EFEMP1: variants seen among roughly 807,000 people sequenced by gnomAD.
EFEMP1 encodes the protein EGF-like fibulin extracellular matrix protein 1.
EFEMP1 carries 18 observed loss-of-function variants against 65.7 expected under a neutral mutation model. That is an observed-to-expected ratio of 0.27 (90% CI 0.19 to 0.41). EFEMP1 has a LOEUF of 0.41. Ranked by LOEUF, EFEMP1 falls within the 10% of genes least tolerant of loss-of-function variation. EFEMP1 has a pLI of 1.00. For synonymous variants in EFEMP1, 237 were observed against 219.7 expected, an observed-to-expected ratio of 1.08 and a Z score of -0.70; for missense variants, 469 against 624.8, an observed-to-expected ratio of 0.75 and a Z score of 2.66.
chr2:55,902,978 T>C lies in EFEMP1; in HGVS notation c.517+14687A>G, dbSNP rs189730288. Among the ~76,000 whole-genome samples, 11 of 152,360 alleles carry C rather than the reference T, an allele frequency of 7.2e-5. No individual in the cohort carries two copies. In the East Asian group the frequency reaches 1.7e-3, roughly 24 times the overall value. On this transcript the variant is annotated intron_variant, in intron 5 of 11. Coordinates refer to ENST00000355426, the MANE Select transcript of EFEMP1 (RefSeq NM_001039348.3). ...CTCTGTCTCTTTCTCTTTCCTGTTCTTTGTAAATAATTTCAAGTAAGAGCT... is the reference window on the plus strand; with the variant it reads ...CTCTGTCTCTTTCTCTTTCCTGTTCCTTGTAAATAATTTCAAGTAAGAGCT...
intron 5 of EFEMP1, among the ~76,000 whole-genome samples, chr2:55,889,823 G>GT (rs1406906758): frequency 2.4e-5 from 2 of 82,142 alleles, no homozygotes; most frequent in African/African-American, 1.1e-4. Context: ...TAAAGGAATG[G>GT]TAAAAAAAAA....
chr2:55,896,940 T>A (rs1039700398), intron 5 of EFEMP1, among the ~76,000 whole-genome samples: 9 of 152,224 alleles, frequency 5.9e-5, no homozygotes, highest in African/African-American at 2.2e-4. Flanking sequence ...ACTGAAGTTA[T>A]GCAGAACAAC....
chr2:55,869,508 T>C (rs1034560249), intron 11 of EFEMP1, among the ~76,000 whole-genome samples: 3 of 152,140 alleles, frequency 2.0e-5, no homozygotes, highest in African/African-American at 7.2e-5. Flanking sequence ...TTTTCAGAAG[T>C]TGGTCATGAG....
In EFEMP1 at chr2:55,883,961, C is replaced by G. The variant is rs1055988178; in HGVS notation, c.518-2227G>C. Among the ~76,000 whole-genome samples the G allele has an allele frequency of 6.6e-6, 1 of 152,116 alleles. No individual in the cohort carries two copies. The highest frequency in any genetic ancestry group is 1.5e-5 in the Non-Finnish European group (1 of 68,016). ...CACTACTTTCCTTCCCTTTCTCCAC[C>G]AACACCCAAACAAAGCTGCAACAAG... is the stretch of plus-strand genomic sequence containing the variant. On this transcript the variant is annotated intron_variant, in intron 5 of 11. Transcript: ENST00000355426. This position sits in a 1 kb window ranked among gnomAD's most constrained non-coding sequence, Gnocchi z 4.5.
intron 6 of EFEMP1, among the ~76,000 whole-genome samples, chr2:55,878,521 C>A (rs1455740726): frequency 6.6e-6 from 1 of 152,122 alleles, no homozygotes; most frequent in Non-Finnish European, 1.5e-5. Flanking sequence ...CTAAGTAGGA[C>A]TAACATCTTA....
chr2:55,912,243 A>G (rs1188471625), intron 5 of EFEMP1, among the ~76,000 whole-genome samples: 3 of 152,170 alleles, frequency 2.0e-5, no homozygotes, highest in African/African-American at 4.8e-5. Flanking sequence ...ACTGGGCTGT[A>G]TAATTATATG....
chr2:55,899,811 C>T (rs561311474), intron 5 of EFEMP1, among the ~76,000 whole-genome samples: 44 of 152,306 alleles, frequency 2.9e-4, no homozygotes, highest in African/African-American at 1.1e-3. Context: ...CACAGGTCAC[C>T]TCTCTGAAGG....
chr2:55,911,776 C>T (rs1031759224), intron 5 of EFEMP1, among the ~76,000 whole-genome samples: 5 of 152,122 alleles, frequency 3.3e-5, no homozygotes, highest in Non-Finnish European at 7.4e-5. Flanking sequence ...TTCTATCCTT[C>T]CACCTCTAAC....
chr2:55,894,977 G>A (rs1669760287), intron 5 of EFEMP1, among the ~76,000 whole-genome samples: 2 of 152,176 alleles, frequency 1.3e-5, no homozygotes, highest in African/African-American at 4.8e-5. Flanking sequence ...ATTTGCCCCT[G>A]AGACCATTCT....
chr2:55,879,330 T>A (rs1466290498), intron 6 of EFEMP1, among the ~76,000 whole-genome samples: 1 of 152,200 alleles, frequency 6.6e-6, no homozygotes, highest in East Asian at 1.9e-4. Flanking sequence ...TGCTTCCTAG[T>A]CCTCAGTACT....
At chr2:55,896,253 TAGG>T (rs1341115562) in intron 5 of EFEMP1, among the ~76,000 whole-genome samples, 1 of 152,346 alleles carries the variant, frequency 6.6e-6, no homozygotes, top group African/African-American at 2.4e-5. Flanking sequence ...CTTACAAGAT[TAGG>T]AGATGTTGTG....
In EFEMP1 at chr2:55,873,066, C is replaced by CACACACA. The variant is rs55817415; in HGVS notation, c.1000+1879_1000+1880insTGTGTGT. 2.8e-5 allele frequency among the ~76,000 whole-genome samples: 4 copies of CACACACA among 145,402 alleles called. No individual in the cohort carries two copies. Among genetic ancestry groups the CACACACA allele is most frequent in the South Asian group, 4.5e-4 (2 of 4,398 alleles). On this transcript the variant is annotated intron_variant, in intron 9 of 11. Transcript: ENST00000355426. This position sits in a 1 kb window ranked among gnomAD's most constrained non-coding sequence, Gnocchi z 4.6. ...TTCTTTTGTCTCTCTGTCTCTCTCT[C>CACACACA]CACACACACACACACACACACACAC...
In EFEMP1 at chr2:55,886,917, TA is replaced by T. The variant is rs1175402357; in HGVS notation, c.518-5184del. 6.6e-6 allele frequency among the ~76,000 whole-genome samples: 1 copy of T among 152,152 alleles called. No individual in the cohort carries two copies. Among genetic ancestry groups the T allele is most frequent in the African/African-American group, 2.4e-5 (1 of 41,438 alleles). ...ATGATAACCTGAGTAATTAATATAA[TA>T]AATTATGTAGATTGAAATCTGATTT... On this transcript the variant is annotated intron_variant, in intron 5 of 11. Coordinates refer to ENST00000355426, the MANE Select transcript of EFEMP1 (RefSeq NM_001039348.3). The surrounding 1 kb of genome is among the most constrained non-coding windows in gnomAD (Gnocchi z 4.0).
intron 5 of EFEMP1, among the ~76,000 whole-genome samples, chr2:55,906,580 C>G (rs1670286633): frequency 6.7e-6 from 1 of 149,850 alleles, no homozygotes; most frequent in Admixed American, 6.7e-5. Flanking sequence ...GGCTCCCTCC[C>G]TGGATTAAGA....
At chr2:55,903,786 T>C in intron 5 of EFEMP1, among the ~76,000 whole-genome samples, 1 of 152,306 alleles carries the variant, frequency 6.6e-6, no homozygotes, top group East Asian at 1.9e-4. Flanking sequence ...TATATATGCA[T>C]GTATACATAT....
rs1482769368 is a variant in EFEMP1, at chr2:55,883,477, A to T, written c.518-1743T>A. On this transcript the variant is annotated intron_variant, in intron 5 of 11. Coordinates refer to ENST00000355426, the MANE Select transcript of EFEMP1 (RefSeq NM_001039348.3). This position sits in a 1 kb window ranked among gnomAD's most constrained non-coding sequence, Gnocchi z 4.5. ...ATGCAGAAATGACAGCAGAGTATCT[A>T]TTGTTTTATGTCAAGAACATTTGCC... is the stretch of plus-strand genomic sequence containing the variant. 6.6e-6 allele frequency among the ~76,000 whole-genome samples: 1 copy of T among 152,100 alleles called. No homozygotes were observed. Among genetic ancestry groups the T allele is most frequent in the Non-Finnish European group, 1.5e-5 (1 of 68,020 alleles).
At chr2:55,899,441 A>G (rs970237122) in intron 5 of EFEMP1, among the ~76,000 whole-genome samples, 1 of 152,230 alleles carries the variant, frequency 6.6e-6, no homozygotes, top group African/African-American at 2.4e-5. Context: ...AAATGCATGG[A>G]TGGTGCAGAC....
rs951312427 is a variant in EFEMP1, at chr2:55,877,641, G to A, written c.760+105C>T. 31 of 1,526,946 alleles carry A rather than the reference G, an allele frequency of 2.0e-5. No individual in the cohort carries two copies. Among genetic ancestry groups the A allele is most frequent in the South Asian group, 5.7e-5 (5 of 88,132 alleles). 94.6% of individuals were successfully genotyped at this position (1,526,946 alleles called of 1,614,324 possible). ...GCTTTATGATTGCTGAAGGGAAGTC[G>A]ATGGAAACTATTTACTCAAGAACAT... On this transcript the variant is annotated intron_variant, in intron 7 of 11. Coordinates refer to ENST00000355426, the MANE Select transcript of EFEMP1 (RefSeq NM_001039348.3). This position sits in a 1 kb window ranked among gnomAD's most constrained non-coding sequence, Gnocchi z 4.5.
At chr2:55,891,964 A>G (rs927775936) in intron 5 of EFEMP1, among the ~76,000 whole-genome samples, 1 of 152,098 alleles carries the variant, frequency 6.6e-6, no homozygotes, top group Admixed American at 6.5e-5. Context: ...TTGTTGATAA[A>G]TTATGATGAC....
Sources: allele counts gnomAD v4.1 joint callset (sites outside exome capture counted in the v4.1 genomes callset), GRCh38; gene constraint gnomAD v4.1.1; non-coding constraint Gnocchi (gnomAD v3.1); transcripts MANE v1.5; gene names NCBI Gene and HGNC (gene_info 2026-07-23, HGNC 2026-07-21).